CYLC2: variants seen among roughly 807,000 people sequenced by gnomAD.
The protein encoded by CYLC2 is cylicin 2, also known as cylicin-2.
CYLC2 carries 30 observed loss-of-function variants against 26.1 expected under a neutral mutation model. The ratio of observed to expected loss-of-function variants is 1.15; its 90% CI spans 0.86 to 1.56. The LOEUF (loss-of-function observed/expected upper bound fraction) is 1.56, where lower values mean the gene tolerates loss of function less well. Ranked by LOEUF, CYLC2 falls within the 40% of genes most tolerant of loss-of-function variation. CYLC2 has a pLI of 0.00. For synonymous variants in CYLC2, 158 were observed against 132.8 expected, an observed-to-expected ratio of 1.19 and a Z score of -1.31; for missense variants, 498 against 394.4, an observed-to-expected ratio of 1.26 and a Z score of -2.23.
intron 5 of CYLC2, 23 bp from the exon 6 acceptor site, chr9:103,011,947 CTTTTTTTTTTTT>C (rs776460013): frequency 6.2e-5 from 4 of 64,078 alleles, no homozygotes; most frequent in Non-Finnish European, 8.5e-5. Flanking sequence ...AGATCATTCT[CTTTTTTTTTTTT>C]TTTTTTTTTT....
At position 103,004,293 on chromosome 9, in the gene CYLC2, C is replaced by T. The variant is rs922185726; in HGVS notation, c.181-402C>T. Among the ~76,000 whole-genome samples the T allele has an allele frequency of 3.9e-5, 6 of 151,934 alleles. No homozygotes were observed. In the South Asian group the frequency reaches 1.2e-3, roughly 32 times the overall value. On this transcript the variant is annotated intron_variant, in intron 3 of 7. Transcript: ENST00000374798. ...GAAAATGAAAATAGACTAAGATATG[C>T]CTCAATCTGAAACTATTAGATATTA...
At position 103,004,677 on chromosome 9, in the gene CYLC2, A is replaced by T; in HGVS notation, c.181-18A>T. 1 of 1,566,070 alleles carries T rather than the reference A, an allele frequency of 6.4e-7. No homozygotes were observed. The highest frequency in any genetic ancestry group is 2.0e-5 in the Admixed American group (1 of 50,234). ...ATTCACTCACAAGTTGTTCATCATT[A>T]TTGTAACCATCTTTCAGATAATTGA... On this transcript the variant is annotated intron_variant, in intron 3 of 7. Transcript: ENST00000374798.
At position 103,014,615 on chromosome 9, in the gene CYLC2, T is replaced by G. The variant is rs1042794046; in HGVS notation, c.*817-2273T>G. Among the ~76,000 whole-genome samples the G allele has an allele frequency of 4.2e-5, 6 of 142,848 alleles. 1 individual carries two copies. The highest frequency in any genetic ancestry group is 1.6e-4 in the African/African-American group (6 of 38,630). The allele number at this position is 142,848 out of a possible 152,430, so 93.7% of individuals were successfully genotyped here. A position where few individuals can be genotyped will look rare whatever the true frequency, so the allele number is the denominator to read the frequency against. On this transcript the variant is annotated intron_variant, in intron 6 of 7. Transcript: ENST00000374798. ...TGTATATTATGCAGTATACATCATA[T>G]GTATATTATGCAGTATACATCATAT...
rs534269202 is a variant in CYLC2, at chr9:103,015,262, T to G, written c.*817-1626T>G. On this transcript the variant is annotated intron_variant, in intron 6 of 7. Transcript: ENST00000374798. Reference sequence around the variant, plus strand: ...ATAATCTGATATATAATATATATTATATACATATATTTATATATTATATAA... The same window carrying G: ...ATAATCTGATATATAATATATATTAGATACATATATTTATATATTATATAA... Among the ~76,000 whole-genome samples, 949 of 123,632 alleles carry G rather than the reference T, an allele frequency of 7.7e-3. 14 individuals carry two copies. The highest frequency in any genetic ancestry group is 0.026 in the African/African-American group (890 of 34,098). 81.1% of individuals were successfully genotyped at this position (123,632 alleles called of 152,430 possible). A position where few individuals can be genotyped will look rare whatever the true frequency, so the allele number is the denominator to read the frequency against.
In CYLC2 at chr9:102,998,461, A is replaced by G. The variant is rs538388885; in HGVS notation, c.17+3064A>G. ...ATGCAAATGCACCCTGACCTAGATAATTACTTGACTGTACCAGAGAGGAAA... is the reference window on the plus strand; with the variant it reads ...ATGCAAATGCACCCTGACCTAGATAGTTACTTGACTGTACCAGAGAGGAAA... On this transcript the variant is annotated intron_variant, in intron 1 of 7. Coordinates refer to ENST00000374798, the MANE Select transcript of CYLC2 (RefSeq NM_001340.5). Among the ~76,000 whole-genome samples, 11 of 152,070 alleles carry G rather than the reference A, an allele frequency of 7.2e-5. No individual in the cohort carries two copies. The South Asian group carries it at 2.3e-3, about 31-fold the overall frequency.
intron 1 of CYLC2, among the ~76,000 whole-genome samples, chr9:103,000,925 T>TATCCTACTAATTTTTATTGTTG (rs1297314167): frequency 6.6e-6 from 1 of 152,098 alleles, no homozygotes. Flanking sequence ...CATGTTAAGA[T>TATCCTACTAATTTTTATTGTTG]AGTAATAAAA....
Position 103,013,979 on chromosome 9 carries a change from T to A in CYLC2, c.*816+1882T>A, listed in dbSNP as rs1198973146. 4.3e-3 allele frequency among the ~76,000 whole-genome samples: 499 copies of A among 115,044 alleles called. 5 individuals are homozygous for A. The highest frequency in any genetic ancestry group is 0.016 in the African/African-American group (465 of 28,442). 75.5% of individuals were successfully genotyped at this position (115,044 alleles called of 152,430 possible). Reference sequence around the variant, plus strand: ...TATTATATATTATTATATTATATATTATTTAATATGATATTACAGTTATAT... The same window carrying A: ...TATTATATATTATTATATTATATATAATTTAATATGATATTACAGTTATAT... On this transcript the variant is annotated intron_variant, in intron 6 of 7. Coordinates refer to ENST00000374798, the MANE Select transcript of CYLC2 (RefSeq NM_001340.5).
chr9:103,003,008 T>C (rs772146127), intron 2 of CYLC2, 134 bp from the exon 3 acceptor site: 6 of 1,055,726 alleles, frequency 5.7e-6, no homozygotes, highest in South Asian at 1.7e-5. Flanking sequence ...ATTGCAAACA[T>C]TACCAAATAA....
At chr9:103,003,477 T>C (rs1829309297) in intron 3 of CYLC2, among the ~76,000 whole-genome samples, 1 of 152,146 alleles carries the variant, frequency 6.6e-6, no homozygotes, top group Non-Finnish European at 1.5e-5. Context: ...GGCTATTAAA[T>C]ACTTGAAATG....
Position 102,995,369 on chromosome 9 carries a change from T to C in CYLC2, c.-12T>C. 6.2e-7 allele frequency: 1 copy of C among 1,603,680 alleles called. No homozygotes were observed. The highest frequency in any genetic ancestry group is 2.2e-5 in the East Asian group (1 of 44,654). ...ACAATACTTAAGTCCTGGCAAGTCA[T>C]AAGTGGGGAAAATGTCTCTCCCAAG... On this transcript the variant is annotated 5_prime_UTR_variant, in exon 1 of 8. Coordinates refer to ENST00000374798, the MANE Select transcript of CYLC2 (RefSeq NM_001340.5).
chr9:102,999,584 T>C (rs1829268513), intron 1 of CYLC2, among the ~76,000 whole-genome samples: 1 of 151,326 alleles, frequency 6.6e-6, no homozygotes, highest in Non-Finnish European at 1.5e-5. Flanking sequence ...CTCCAATAAG[T>C]TTAATTTTAA....
At chr9:103,003,113 A>G in intron 2 of CYLC2, 29 bp from the exon 3 acceptor site, 1 of 1,612,034 alleles carries the variant, frequency 6.2e-7, no homozygotes, top group Non-Finnish European at 8.5e-7. Flanking sequence ...ATTCACTCCA[A>G]AATGTGTTTT....
At chr9:103,015,626 T>A (rs1030496519) in intron 6 of CYLC2, among the ~76,000 whole-genome samples, 5 of 147,244 alleles carry the variant, frequency 3.4e-5, no homozygotes, top group Non-Finnish European at 7.5e-5. Flanking sequence ...GTATGTCTCT[T>A]GAGTGTTCCT....
chr9:103,013,668 AAAT>A, intron 6 of CYLC2, among the ~76,000 whole-genome samples: 1 of 112,888 alleles, frequency 8.9e-6, no homozygotes, highest in African/African-American at 3.6e-5. Context: ...ATATTATATT[AAAT>A]AATATATATG....
rs1195485133 is a variant in CYLC2, at chr9:103,013,251, T to C, written c.*816+1154T>C. Among the ~76,000 whole-genome samples, 217 of 105,188 alleles carry C rather than the reference T, an allele frequency of 2.1e-3. 1 individual carries two copies. The highest frequency in any genetic ancestry group is 7.9e-3 in the African/African-American group (202 of 25,422). The allele number at this position is 105,188 out of a possible 152,430, so 69.0% of individuals were successfully genotyped here. A position where few individuals can be genotyped will look rare whatever the true frequency, so the allele number is the denominator to read the frequency against. On this transcript the variant is annotated intron_variant, in intron 6 of 7. Coordinates refer to ENST00000374798, the MANE Select transcript of CYLC2 (RefSeq NM_001340.5). Reference sequence around the variant, plus strand: ...TATAAACATATAACATGTAAATATATATTTAATGTGTTATATATATTATAT... The same window carrying C: ...TATAAACATATAACATGTAAATATACATTTAATGTGTTATATATATTATAT...
intron 1 of CYLC2, among the ~76,000 whole-genome samples, chr9:103,000,107 T>C (rs1021679447): frequency 4.6e-5 from 7 of 152,006 alleles, no homozygotes; most frequent in African/African-American, 1.4e-4. Context: ...TTATTCTCTA[T>C]GAACTTTTAA....
intron 5 of CYLC2, among the ~76,000 whole-genome samples, chr9:103,010,134 A>C (rs1019061033): frequency 6.6e-6 from 1 of 151,984 alleles, no homozygotes; most frequent in African/African-American, 2.4e-5. Context: ...AAATCAATAC[A>C]ATCAATTTTA....
intron 7 of CYLC2, among the ~76,000 whole-genome samples, chr9:103,017,538 A>T (rs1829519778): frequency 6.6e-6 from 1 of 152,070 alleles, no homozygotes; most frequent in Non-Finnish European, 1.5e-5. Flanking sequence ...ATCTCTTCAG[A>T]AACTTCTGTT....
chr9:103,000,652 T>C (rs563393225), intron 1 of CYLC2, among the ~76,000 whole-genome samples: 15 of 152,226 alleles, frequency 9.9e-5, no homozygotes, highest in African/African-American at 3.6e-4. Flanking sequence ...CGTTTTATGC[T>C]GCTAGCTTCA....
Sources: allele counts gnomAD v4.1 joint callset (sites outside exome capture counted in the v4.1 genomes callset), GRCh38; gene constraint gnomAD v4.1.1; transcripts MANE v1.5; gene names NCBI Gene and HGNC (gene_info 2026-07-23, HGNC 2026-07-21).